The following CLMN variants were observed in gnomAD, a reference collection of about 807,000 sequenced individuals.
The protein encoded by CLMN is calmin (calponin-like, transmembrane).
Under a neutral mutation model 92.7 loss-of-function variants are expected in CLMN, and 57 were observed. The observed-to-expected ratio is 0.61, with a 90% CI of 0.50 to 0.77. The LOEUF is 0.77. Among genes scored for constraint, CLMN ranks in the 30% least tolerant of loss-of-function variants. CLMN has a pLI of 0.00. For missense variants in CLMN, 1,158 were observed against 1,237.5 expected (o/e 0.94, Z 0.96); for synonymous variants, 466 against 470.6 (o/e 0.99, Z 0.13).
At chr14:95,281,774 T>G (rs963775553) in intron 1 of CLMN, among the ~76,000 whole-genome samples, 1 of 152,222 alleles carries the variant, frequency 6.6e-6, no homozygotes, top group Admixed American at 6.5e-5. Flanking sequence ...GTACTCCTCG[T>G]GTAGAAATGC....
At chr14:95,319,303 TCA>T (rs60670197) in intron 1 of CLMN, among the ~76,000 whole-genome samples, 62,429 of 143,768 alleles carry the variant, frequency 0.43, 13,310 homozygotes, top group East Asian at 0.51. Context: ...GTGCGCGAAC[TCA>T]CACACACACA....
intron 8 of CLMN, among the ~76,000 whole-genome samples, chr14:95,204,833 T>G (rs1595565280): frequency 6.6e-6 from 1 of 152,228 alleles, no homozygotes; most frequent in East Asian, 1.9e-4. Flanking sequence ...CCATGTTGCC[T>G]AGTCTGGGTA....
rs1384199492 is a variant in CLMN at position 95,184,268 on chromosome 14, C to G, written c.*7296G>C. ...ATCTAAATCTGGCTGACTCCCAAAC[C>G]TGACTTCTTTCTCTAGCCCACAATA... On this transcript the variant is annotated 3_prime_UTR_variant, in exon 13 of 13. Transcript: ENST00000298912. 6.6e-6 allele frequency: 1 copy of G among 152,152 alleles called. No homozygotes were observed. Among genetic ancestry groups the G allele is most frequent in the Non-Finnish European group, 1.5e-5 (1 of 68,028 alleles). The allele number at this position is 152,152 out of a possible 1,614,324, so 9.4% of individuals were successfully genotyped here.
At chr14:95,253,468 G>GACATTTTAT (rs140292797) in intron 1 of CLMN, among the ~76,000 whole-genome samples, 22,771 of 152,018 alleles carry the variant, frequency 0.15, 2,890 homozygotes, top group African/African-American at 0.34. Context: ...CACAGGAAAT[G>GACATTTTAT]ACATCTTTAG....
rs967943531 is a variant in CLMN at position 95,279,524 on chromosome 14, C to T, written c.82+40187G>A. On this transcript the variant is annotated intron_variant, in intron 1 of 12. Transcript: ENST00000298912. ...TACTGGCCAGGGCGGTGGCTCACGC[C>T]TGTAATCCCAGCACTTTGGGAGGCC... Among the ~76,000 whole-genome samples, 44 of 152,242 alleles carry T rather than the reference C, an allele frequency of 2.9e-4. 1 individual carries two copies. Among genetic ancestry groups the T allele is most frequent in the African/African-American group, 9.9e-4 (41 of 41,464 alleles).
chr14:95,254,613 G>A (rs1273919205), intron 1 of CLMN, among the ~76,000 whole-genome samples: 4 of 152,150 alleles, frequency 2.6e-5, no homozygotes, highest in Admixed American at 1.3e-4. Context: ...TGGGCTGAAC[G>A]GTGTTCTCCC....
chr14:95,200,070 T>C (rs1481785963), intron 9 of CLMN, among the ~76,000 whole-genome samples: 1 of 151,934 alleles, frequency 6.6e-6, no homozygotes, highest in Non-Finnish European at 1.5e-5. Flanking sequence ...TGGGGAAGGG[T>C]CTGAGATAGA....
intron 4 of CLMN, among the ~76,000 whole-genome samples, chr14:95,219,769 G>C (rs1374194154): frequency 1.3e-5 from 2 of 152,126 alleles, no homozygotes; most frequent in African/African-American, 2.4e-5. Flanking sequence ...AATGAACAGG[G>C]GGTAGGCTTT....
chr14:95,244,735 C>T (rs924155995), intron 1 of CLMN, among the ~76,000 whole-genome samples: 3 of 151,998 alleles, frequency 2.0e-5, no homozygotes, highest in Admixed American at 6.6e-5. Flanking sequence ...AAGATGAACC[C>T]GTGCATCTAT....
At chr14:95,197,930 C>G (rs1290089037) in intron 9 of CLMN, among the ~76,000 whole-genome samples, 1 of 151,852 alleles carries the variant, frequency 6.6e-6, no homozygotes, top group Admixed American at 6.6e-5. Flanking sequence ...TGGTCAAATG[C>G]TACTGTTTTT....
At position 95,182,658 on chromosome 14, in the gene CLMN, G is replaced by A. The variant is rs184764071; in HGVS notation, c.*8906C>T. 33 of 150,038 alleles carry A rather than the reference G, an allele frequency of 2.2e-4. No homozygotes were observed. The highest frequency in any genetic ancestry group is 7.8e-4 in the African/African-American group (31 of 39,510). 9.3% of individuals were successfully genotyped at this position (150,038 alleles called of 1,614,324 possible). On this transcript the variant is annotated 3_prime_UTR_variant, in exon 13 of 13. Coordinates refer to ENST00000298912, the MANE Select transcript of CLMN (RefSeq NM_024734.4). ...AAGGGATCCTTGTTGGAATGCAAAC[G>A]GCTCCGATTCTGAGTAGAATTTCAG...
rs1896491527 is a variant in CLMN at position 95,188,581 on chromosome 14, T to C, written c.*2983A>G. 6.6e-6 allele frequency: 1 copy of C among 152,020 alleles called. No homozygotes were observed. Among genetic ancestry groups the C allele is most frequent in the East Asian group, 1.9e-4 (1 of 5,188 alleles). 9.4% of individuals were successfully genotyped at this position (152,020 alleles called of 1,614,324 possible). On this transcript the variant is annotated 3_prime_UTR_variant, in exon 13 of 13. Coordinates refer to ENST00000298912, the MANE Select transcript of CLMN (RefSeq NM_024734.4). Reference sequence around the variant, plus strand: ...AGGGGAGGGTCCAACATTGAAATAATAGGTGGTCCAGAAAGAAAGAATGTA... The same window carrying C: ...AGGGGAGGGTCCAACATTGAAATAACAGGTGGTCCAGAAAGAAAGAATGTA...
Position 95,203,397 on chromosome 14 carries a change from A to T in CLMN, c.1952T>A (p.Val651Glu). The change falls in exon 9 of 13, where the codon GTG becomes GAG. Residue 651 changes from valine to glutamate, a missense_variant. Val to Glu is a moderately radical substitution (Grantham distance 121, BLOSUM62 -2). Coordinates refer to ENST00000298912, the MANE Select transcript of CLMN (RefSeq NM_024734.4). ...TTCATGCACCTCTGGCTTTTTATCC[A>T]CTGGTGTCTCTTCTGGGGCTGAAGG... ...GCPSAPEETP[V>E]DKKPEVHEKA... 6.2e-7 allele frequency: 1 copy of T among 1,613,768 alleles called. No homozygotes were observed. The highest frequency in any genetic ancestry group is 8.5e-7 in the Non-Finnish European group (1 of 1,179,946).
Position 95,194,231 on chromosome 14 carries a change from C to T in CLMN, c.2769+305G>A. 5.7e-6 allele frequency: 8 copies of T among 1,392,392 alleles called. No individual in the cohort carries two copies. Among genetic ancestry groups the T allele is most frequent in the Non-Finnish European group, 7.4e-6 (8 of 1,077,338 alleles). 86.3% of individuals were successfully genotyped at this position (1,392,392 alleles called of 1,614,324 possible). A position where few individuals can be genotyped will look rare whatever the true frequency, so the allele number is the denominator to read the frequency against. On this transcript the variant is annotated intron_variant, in intron 11 of 12. Coordinates refer to ENST00000298912, the MANE Select transcript of CLMN (RefSeq NM_024734.4). This position sits in a 1 kb window ranked among gnomAD's most constrained non-coding sequence, Gnocchi z 4.0. ...CCATCGGACCTTGACTCATGTTGCA[C>T]CTCTGTCTCTGAACGTGATCCTTCT...
chr14:95,237,570 T>G (rs1898099131), intron 1 of CLMN, among the ~76,000 whole-genome samples: 1 of 152,198 alleles, frequency 6.6e-6, no homozygotes, highest in Non-Finnish European at 1.5e-5. Flanking sequence ...GCAGGAGGCC[T>G]CACACTTTGC....
rs144063397 is a variant in CLMN at position 95,223,756 on chromosome 14, G to C, written c.240+4C>G. The stretch of plus-strand genomic sequence containing the variant: ...TCTTTCTGACCCTTCTGTAACATAC[G>C]TACCAGATTCCGCCCAGACAGGACT... On this transcript the variant is annotated splice_donor_region_variant and intron_variant, in intron 3 of 12. Coordinates refer to ENST00000298912, the MANE Select transcript of CLMN (RefSeq NM_024734.4). 3 of 1,608,768 alleles carry C rather than the reference G, an allele frequency of 1.9e-6. No homozygotes were observed. The highest frequency in any genetic ancestry group is 2.2e-5 in the South Asian group (2 of 90,522).
intron 9 of CLMN, among the ~76,000 whole-genome samples, chr14:95,197,685 C>T (rs1043386091): frequency 1.3e-5 from 2 of 152,152 alleles, no homozygotes; most frequent in Non-Finnish European, 2.9e-5. Flanking sequence ...CTGTCTGCAC[C>T]AGGCACTCTG....
intron 2 of CLMN, among the ~76,000 whole-genome samples, chr14:95,226,886 G>A (rs894160452): frequency 6.6e-6 from 1 of 152,170 alleles, no homozygotes; most frequent in Non-Finnish European, 1.5e-5. Flanking sequence ...GCCGAAACCC[G>A]ATTCTTAATA....
At chr14:95,297,266 T>C (rs1363331738) in intron 1 of CLMN, among the ~76,000 whole-genome samples, 3 of 152,200 alleles carry the variant, frequency 2.0e-5, no homozygotes, top group Non-Finnish European at 4.4e-5. Flanking sequence ...ATGGCCACTT[T>C]TGTGCAGTCC....
Sources: allele counts gnomAD v4.1 joint callset (sites outside exome capture counted in the v4.1 genomes callset), GRCh38; gene constraint gnomAD v4.1.1; non-coding constraint Gnocchi (gnomAD v3.1); transcripts MANE v1.5; gene names NCBI Gene and HGNC (gene_info 2026-07-23, HGNC 2026-07-21).